Variants in ALG3 observed in about 807,000 individuals in gnomAD.
ALG3 encodes ALG3 alpha-1,3- mannosyltransferase, also known as dol-P-Man:Man(5)GlcNAc(2)-PP-Dol alpha-1,3-mannosyltransferase.
In ALG3, 39 loss-of-function variants were observed where a neutral mutation model predicts 50.5. The ratio of observed to expected loss-of-function variants is 0.77; its 90% CI spans 0.60 to 1.01. The LOEUF (loss-of-function observed/expected upper bound fraction) is 1.01. Ranked by LOEUF, ALG3 falls within the 50% of genes least tolerant of loss-of-function variation. The pLI is 0.00. For missense variants in ALG3, 520 were observed against 554.8 expected (o/e 0.94, Z 0.63); for synonymous variants, 252 against 237.2 (o/e 1.06, Z -0.58).
At chr3:184,243,342 G>C in intron 7 of ALG3, 1 of 597,368 alleles carries the variant, frequency 1.7e-6, no homozygotes, top group Non-Finnish European at 2.9e-6. Context: ...ATAGTACCAG[G>C]GAGAAGTACT....
chr3:184,243,054 C>G, intron 7 of ALG3, 97 bp from the exon 8 acceptor site: 1 of 1,508,286 alleles, frequency 6.6e-7, no homozygotes, highest in Non-Finnish European at 9.0e-7. Flanking sequence ...CCCTCTGGCT[C>G]TGCCATTCCT....
rs1478739541 is a variant in ALG3, at chr3:184,245,371, C to T, written c.445-13G>A. 1.1e-5 allele frequency: 17 copies of T among 1,612,758 alleles called. No individual in the cohort carries two copies. In the East Asian group the frequency reaches 1.8e-4, roughly 17 times the overall value. ...CGAAGGGAGGTACCTAAAGGGAAAA[C>T]ACAGTAAGGTACAAGGTCAGCTCAG... is the stretch of plus-strand genomic sequence containing the variant. On this transcript the variant is annotated splice_polypyrimidine_tract_variant and intron_variant, in intron 3 of 8. Coordinates refer to ENST00000397676, the MANE Select transcript of ALG3 (RefSeq NM_005787.6).
At chr3:184,246,238 A>G (rs1310596771) in intron 1 of ALG3, among the ~76,000 whole-genome samples, 2 of 152,168 alleles carry the variant, frequency 1.3e-5, no homozygotes, top group African/African-American at 2.4e-5. Context: ...TCTAGCCCCA[A>G]TGAGTATACA....
chr3:184,245,741 G>A lies in ALG3; in HGVS notation c.268C>T (p.Gln90Ter), dbSNP rs1393748526. 1 of 1,613,618 alleles carries A rather than the reference G, an allele frequency of 6.2e-7. No individual in the cohort carries two copies. The highest frequency in any genetic ancestry group is 1.7e-5 in the Admixed American group (1 of 60,004). ...AGTGGTCCGGTGTCACCCTGCAGTTGGGTATAGTCATAGGTACCATTGATG... is the reference window on the plus strand; with the variant it reads ...AGTGGTCCGGTGTCACCCTGCAGTTAGGTATAGTCATAGGTACCATTGATG... ...GVINGTYDYT[Q>*]LQGDTGPLVY... Residue 90 changes from glutamine (Q) to a stop codon, truncating the protein, a stop_gained, in exon 2 of 9, where the codon CAA becomes TAA. Coordinates refer to ENST00000397676, the MANE Select transcript of ALG3 (RefSeq NM_005787.6). LOFTEE classifies it high-confidence loss of function.
At chr3:184,249,109 T>C (rs1312652385), upstream of ALG3, 10 of 1,462,732 alleles carry the variant, frequency 6.8e-6, no homozygotes, top group African/African-American at 1.4e-5. Context: ...TCTCCTCTGA[T>C]GCACTCCACG....
chr3:184,245,315 C>G lies in ALG3; in HGVS notation c.488G>C (p.Arg163Pro). The change falls in exon 4 of 9, where the codon CGT becomes CCT. Residue 163 changes from arginine to proline, a missense_variant. Arg to Pro is a moderately radical substitution (Grantham distance 103). Around this residue, in one of 3 missense-constraint regions of ALG3, gnomAD observed 290 missense variants for 265.9 expected, o/e 1.09. Coordinates refer to ENST00000397676, the MANE Select transcript of ALG3 (RefSeq NM_005787.6). ...CCGCAGCACAAAGATGGAGTGGACA[C>G]GGTAAGAGGCGCAGCACATGAAGAA... is the stretch of plus-strand genomic sequence containing the variant. The part of the protein sequence containing the change: ...VFFFMCCASY[R>P]VHSIFVLRLF... 6.2e-7 allele frequency: 1 copy of G among 1,612,980 alleles called. No individual in the cohort carries two copies. Among genetic ancestry groups the G allele is most frequent in the Non-Finnish European group, 8.5e-7 (1 of 1,179,508 alleles).
At position 184,245,263 on chromosome 3, in the gene ALG3, C is replaced by T. The variant is rs369032582; in HGVS notation, c.540G>A (p.Val180=). Residue 180 remains valine, a synonymous_variant, in exon 4 of 9, where the codon GTG becomes GTA. Coordinates refer to ENST00000397676, the MANE Select transcript of ALG3 (RefSeq NM_005787.6). ...LRLFNDPVAM[V]LLFLSINLLL... Reference sequence around the variant, plus strand: ...GGAGGTTGATACTGAGGAAGAGCAGCACCATGGCCACTGGGTCATTGAAGA... The same window carrying T: ...GGAGGTTGATACTGAGGAAGAGCAGTACCATGGCCACTGGGTCATTGAAGA... 6.2e-7 allele frequency: 1 copy of T among 1,613,652 alleles called. No individual in the cohort carries two copies. Among genetic ancestry groups the T allele is most frequent in the African/African-American group, 1.3e-5 (1 of 74,902 alleles).
At position 184,242,461 on chromosome 3, in the gene ALG3, A is replaced by G. The variant is rs1188554297; in HGVS notation, c.*53T>C. 5 of 1,585,388 alleles carry G rather than the reference A, an allele frequency of 3.2e-6. No individual in the cohort carries two copies. Among genetic ancestry groups the G allele is most frequent in the Non-Finnish European group, 3.4e-6 (4 of 1,164,966 alleles). On this transcript the variant is annotated 3_prime_UTR_variant, in exon 9 of 9. Coordinates refer to ENST00000397676, the MANE Select transcript of ALG3 (RefSeq NM_005787.6). ...GGTTTATTTGGAAGGGCAGAGTCCAACCAACCCCAGGTCCTGAGGGTAGAC... is the reference window on the plus strand; with the variant it reads ...GGTTTATTTGGAAGGGCAGAGTCCAGCCAACCCCAGGTCCTGAGGGTAGAC...
chr3:184,244,521 G>A, intron 5 of ALG3, 80 bp downstream of exon 5: 3 of 1,509,678 alleles, frequency 2.0e-6, no homozygotes, highest in South Asian at 2.5e-5. Context: ...TGGCTTTGAG[G>A]GAGTCTCAGG....
At chr3:184,245,636 T>A (rs1267229778) in intron 2 of ALG3, 21 bp from the exon 3 acceptor site, 1 of 1,611,892 alleles carries the variant, frequency 6.2e-7, no homozygotes, top group Non-Finnish European at 8.5e-7. Flanking sequence ...AGAGAAAATG[T>A]GAGCCTGGGT....
Position 184,243,792 on chromosome 3 carries a change from T to C in ALG3, c.931A>G (p.Arg311Gly). Residue 311 changes from arginine (R) to glycine (G), a missense_variant and splice_region_variant, in exon 6 of 9, where the codon AGG (arginine) becomes GGG (glycine). This residue lies in a region of ALG3 where 224 missense variants were observed against 272.8 expected (regional missense o/e 0.82). Coordinates refer to ENST00000397676, the MANE Select transcript of ALG3 (RefSeq NM_005787.6). ...LLLFALCRWH[R>G]TGESILSLLR... ...CATGGCACTACTGCCTTTTCTCACC[T>C]GTGCCACCTGCAGAGGGCAAACAGC... The C allele has an allele frequency of 1.2e-6, 2 of 1,612,880 alleles. No individual in the cohort carries two copies. Among genetic ancestry groups the C allele is most frequent in the Non-Finnish European group, 1.7e-6 (2 of 1,179,416 alleles).
chr3:184,242,696 TCCA>T lies in ALG3; in HGVS notation c.1155-23_1155-21del, dbSNP rs759653413. ...AACAACCTGGAGATGAGAAACAGGT[TCCA>T]CGTTTCATCCAGTTGCAAGGCCTGC... On this transcript the variant is annotated intron_variant, in intron 8 of 8. Transcript: ENST00000397676. The T allele has an allele frequency of 2.6e-5, 40 of 1,563,478 alleles. No homozygotes were observed. The Admixed American group carries it at 6.4e-4, about 25-fold the overall frequency.
At chr3:184,243,354 A>AT in intron 7 of ALG3, 200 bp downstream of exon 7, 1 of 608,072 alleles carries the variant, frequency 1.6e-6, no homozygotes, top group Non-Finnish European at 2.9e-6. Flanking sequence ...AGAAGTACTC[A>AT]TAAGAGTAGC....
intron 5 of ALG3, 41 bp from the exon 6 acceptor site, chr3:184,244,037 T>C: frequency 6.3e-7 from 1 of 1,584,942 alleles, no homozygotes; most frequent in Non-Finnish European, 8.6e-7. Context: ...CCAAGGCTCA[T>C]TCCCAATGAC....
chr3:184,243,422 G>T, intron 7 of ALG3, 132 bp downstream of exon 7: 1 of 761,980 alleles, frequency 1.3e-6, no homozygotes, highest in Non-Finnish European at 2.3e-6. Context: ...CAGCACAGTG[G>T]TGCAGAATAG....
In ALG3 at chr3:184,245,195, G is replaced by T; in HGVS notation, c.605+3C>A. On this transcript the variant is annotated splice_donor_region_variant and intron_variant, in intron 4 of 8. Transcript: ENST00000397676. ...AGGGGACCAGAAAGGAAGAGGTGTT[G>T]ACCTGAAAAAGCAGCAACCCCAGCC... is the stretch of plus-strand genomic sequence containing the variant. 6.2e-7 allele frequency: 1 copy of T among 1,613,840 alleles called. No individual in the cohort carries two copies. Among genetic ancestry groups the T allele is most frequent in the African/African-American group, 1.3e-5 (1 of 75,020 alleles).
In ALG3 at chr3:184,243,794, T is replaced by A; in HGVS notation, c.929A>T (p.His310Leu). 1.2e-6 allele frequency: 2 copies of A among 1,613,152 alleles called. No individual in the cohort carries two copies. The highest frequency in any genetic ancestry group is 1.7e-6 in the Non-Finnish European group (2 of 1,179,520). Residue 310 changes from histidine (H) to leucine (L), a missense_variant, in exon 6 of 9, where the codon CAC becomes CTC. Coordinates refer to ENST00000397676, the MANE Select transcript of ALG3 (RefSeq NM_005787.6). The stretch of plus-strand genomic sequence containing the variant: ...TGGCACTACTGCCTTTTCTCACCTG[T>A]GCCACCTGCAGAGGGCAAACAGCAG... The part of the protein sequence containing the change: ...LLLLFALCRW[H>L]RTGESILSLL...
rs145300083 is a variant in ALG3, at chr3:184,242,830, C to A, written c.1137G>T (p.Trp379Cys). Residue 379 changes from tryptophan to cysteine, a missense_variant, in exon 8 of 9, where the codon TGG becomes TGT. Trp to Cys is a radical substitution (Grantham distance 215). Coordinates refer to ENST00000397676, the MANE Select transcript of ALG3 (RefSeq NM_005787.6). ...GCTGGTACCTGAGCAGGTGTGTGAGCCAGCGTGCAGGCATGGCCCACAGGA... is the reference window on the plus strand; with the variant it reads ...GCTGGTACCTGAGCAGGTGTGTGAGACAGCGTGCAGGCATGGCCCACAGGA... Reference protein sequence around the residue: ...PYLLWAMPARWLTHLLRLLVL... With the variant: ...PYLLWAMPARCLTHLLRLLVL... 40 of 1,613,860 alleles carry A rather than the reference C, an allele frequency of 2.5e-5. No individual in the cohort carries two copies. The African/African-American group carries it at 5.1e-4, about 20-fold the overall frequency.
At chr3:184,249,094 A>T, upstream of ALG3, 2 of 1,476,952 alleles carry the variant, frequency 1.4e-6, no homozygotes, top group Non-Finnish European at 1.9e-6. Context: ...ATTTTTCTGC[A>T]TTTGTCTCCT....
Sources: allele counts gnomAD v4.1 joint callset (sites outside exome capture counted in the v4.1 genomes callset), GRCh38; gene constraint gnomAD v4.1.1; regional missense constraint gnomAD v4.1.1; transcripts MANE v1.5; gene names NCBI Gene and HGNC (gene_info 2026-07-23, HGNC 2026-07-21).